Variants in CPEB2 observed in about 807,000 individuals in gnomAD.
CPEB2 encodes cytoplasmic polyadenylation element-binding protein 2.
A neutral mutation model predicts 93.6 loss-of-function variants in CPEB2; 56 were observed. The ratio of observed to expected loss-of-function variants is 0.60; its 90% CI spans 0.48 to 0.75. The LOEUF is 0.75. CPEB2 is among the 30% of genes least tolerant of loss of function. The pLI, the probability that CPEB2 is intolerant of heterozygous loss-of-function variation, is 0.00. For missense variants in CPEB2, 1,579 were observed against 1,395.1 expected (o/e 1.13, Z -2.10); for synonymous variants, 764 against 586.3 (o/e 1.30, Z -4.38).
chr4:15,003,738 C>G lies in CPEB2; in HGVS notation c.1065C>G (p.Gly355=), dbSNP rs1722347712. Residue 355 remains glycine, a synonymous_variant, in exon 1 of 12, where the codon GGC becomes GGG. Transcript: ENST00000538197. ...TTCCACACCCGGGCGGCGGCGGCGG[C>G]GGCGGGGGCGGGGGGCCCCCAGGAG... ...PDLPHPGGGG[G]GGGGGPPGGG... 4 of 1,184,862 alleles carry G rather than the reference C, an allele frequency of 3.4e-6. No homozygotes were observed. The highest frequency in any genetic ancestry group is 3.0e-5 in the South Asian group (1 of 33,804). 73.4% of individuals were successfully genotyped at this position (1,184,862 alleles called of 1,614,324 possible). A position where few individuals can be genotyped will look rare whatever the true frequency, so the allele number is the denominator to read the frequency against.
intron 4 of CPEB2, among the ~76,000 whole-genome samples, chr4:15,026,403 T>C (rs1240510840): frequency 6.6e-6 from 1 of 152,092 alleles, no homozygotes; most frequent in Admixed American, 6.5e-5. Context: ...ATTTTTTGTA[T>C]TTTTAGTAGA....
intron 9 of CPEB2, 67 bp from the exon 10 acceptor site, chr4:15,059,120 A>G: frequency 1.1e-6 from 1 of 945,968 alleles, no homozygotes; most frequent in South Asian, 1.7e-5. Context: ...TAACTGGCAA[A>G]AACAAACAAA....
At chr4:15,040,943 A>G (rs1727117327) in intron 6 of CPEB2, among the ~76,000 whole-genome samples, 1 of 152,198 alleles carries the variant, frequency 6.6e-6, no homozygotes, top group Non-Finnish European at 1.5e-5. Context: ...TATTTTTAAC[A>G]GTGATTTATA....
intron 5 of CPEB2, among the ~76,000 whole-genome samples, chr4:15,034,144 A>G (rs539762851): frequency 6.6e-6 from 1 of 152,312 alleles, no homozygotes; most frequent in East Asian, 1.9e-4. Context: ...TGAAGAAGGC[A>G]GAGCATTAGA....
Position 15,004,109 on chromosome 4 carries a change from C to A in CPEB2, c.1436C>A (p.Pro479Gln). The part of the protein sequence containing the change: ...SPHGCTGLSV[P>Q]TSGGGGGGFG... The stretch of plus-strand genomic sequence containing the variant: ...CACGGCTGCACTGGGCTCAGCGTTC[C>A]GACGAGCGGCGGCGGCGGCGGCGGC... The change falls in exon 1 of 12, where the codon CCG becomes CAG. Residue 479 changes from proline to glutamine, a missense_variant. Transcript: ENST00000538197. 6.4e-7 allele frequency: 1 copy of A among 1,553,706 alleles called. No homozygotes were observed. The highest frequency in any genetic ancestry group is 1.9e-5 in the Admixed American group (1 of 51,924).
rs1415402668 is a variant in CPEB2, at chr4:15,003,202, C to G, written c.529C>G (p.Gln177Glu). The G allele has an allele frequency of 3.3e-6, 5 of 1,534,064 alleles. No individual in the cohort carries two copies. The East Asian group carries it at 1.2e-4, about 38-fold the overall frequency. ...GCGGCAGCAGCAGCAGCTGAGCAGCCAGAAGAGGAAAGAGTTCAGCCCTCC... is the reference window on the plus strand; with the variant it reads ...GCGGCAGCAGCAGCAGCTGAGCAGCGAGAAGAGGAAAGAGTTCAGCCCTCC... ...SKRQQQQLSS[Q>E]KRKEFSPPHL... Residue 177 changes from glutamine (Q) to glutamate (E), a missense_variant, in exon 1 of 12, where the codon CAG becomes GAG. Gln to Glu is a conservative substitution (Grantham distance 29, BLOSUM62 2). This residue lies in a region of CPEB2 where 1,411 missense variants were observed against 1,056.0 expected (regional missense o/e 1.34). Coordinates refer to ENST00000538197, the MANE Select transcript of CPEB2 (RefSeq NM_001177382.2).
intron 3 of CPEB2, among the ~76,000 whole-genome samples, chr4:15,011,096 C>CTT (rs869267857): frequency 7.4e-6 from 1 of 135,886 alleles, no homozygotes; most frequent in Admixed American, 7.2e-5. Flanking sequence ...CTATGAATTT[C>CTT]TTTTCTTTTT....
At chr4:15,066,120 C>A in intron 11 of CPEB2, 33 bp from the exon 12 acceptor site, 3 of 1,551,344 alleles carry the variant, frequency 1.9e-6, no homozygotes, top group Non-Finnish European at 1.8e-6. Flanking sequence ...CTGAAGCAGA[C>A]CCTAATGAGA....
intron 1 of CPEB2, among the ~76,000 whole-genome samples, chr4:15,005,353 A>G (rs1036808077): frequency 6.6e-5 from 10 of 152,198 alleles, no homozygotes; most frequent in Admixed American, 5.9e-4. Context: ...CTACAAGGGA[A>G]TATGTGGGCC....
chr4:15,018,985 C>G (rs1293986522), intron 4 of CPEB2, among the ~76,000 whole-genome samples: 1 of 146,038 alleles, frequency 6.8e-6, no homozygotes, highest in Non-Finnish European at 1.5e-5. Flanking sequence ...CGCACACACA[C>G]ACGCATATAT....
intron 5 of CPEB2, among the ~76,000 whole-genome samples, chr4:15,038,081 T>C (rs529815608): frequency 4.6e-5 from 7 of 152,336 alleles, no homozygotes; most frequent in Admixed American, 4.6e-4. Context: ...CTGTAGTCAG[T>C]TCTATTTTTG....
chr4:15,032,478 C>T (rs1228751400), intron 4 of CPEB2, among the ~76,000 whole-genome samples: 1 of 152,092 alleles, frequency 6.6e-6, no homozygotes, highest in East Asian at 1.9e-4. Context: ...ACTGTTGTCC[C>T]TTCTGCATTT....
intron 6 of CPEB2, among the ~76,000 whole-genome samples, chr4:15,043,284 A>C (rs1399960454): frequency 1.3e-5 from 2 of 152,222 alleles, no homozygotes; most frequent in Non-Finnish European, 2.9e-5. Context: ...TACTTTAGGA[A>C]TAATCAAAAT....
At chr4:15,015,597 T>TAAAA (rs1452895721) in intron 3 of CPEB2, among the ~76,000 whole-genome samples, 3 of 152,056 alleles carry the variant, frequency 2.0e-5, no homozygotes, top group Non-Finnish European at 4.4e-5. Flanking sequence ...AAAAGCTTTT[T>TAAAA]AGGTTTTTCT....
At chr4:15,054,306 A>C (rs1328276265) in intron 8 of CPEB2, 89 bp downstream of exon 8, 2 of 862,652 alleles carry the variant, frequency 2.3e-6, no homozygotes, top group Non-Finnish European at 3.8e-6. Flanking sequence ...GTTAGGAATC[A>C]TAAGAGACTT....
At chr4:15,039,555 CA>C (rs1412247826) in intron 5 of CPEB2, among the ~76,000 whole-genome samples, 2 of 151,916 alleles carry the variant, frequency 1.3e-5, no homozygotes, top group Non-Finnish European at 2.9e-5. Flanking sequence ...ATATTAATTT[CA>C]GGGTAAAAAT....
rs201720957 is a variant in CPEB2, at chr4:15,062,103, G to C, written c.2720G>C (p.Arg907Pro). 6.2e-7 allele frequency: 1 copy of C among 1,608,898 alleles called. No homozygotes were observed. Among genetic ancestry groups the C allele is most frequent in the African/African-American group, 1.3e-5 (1 of 74,690 alleles). ...GTGGAACTTGCTATGATCATGGACC[G>C]GCTGTATGGTGGAGTTTGTTATGCA... is the stretch of plus-strand genomic sequence containing the variant. ...RAVELAMIMDRLYGGVCYAGI... is the reference protein window; with the variant it reads ...RAVELAMIMDPLYGGVCYAGI... Residue 907 changes from arginine (R) to proline (P), a missense_variant, in exon 11 of 12, where the codon CGG (arginine) becomes CCG (proline). By Grantham distance (103) the Arg-to-Pro change is moderately radical. Transcript: ENST00000538197.
chr4:15,066,621 AT>A lies in CPEB2; in HGVS notation c.*245del. ...ATGTTCAAATAAAATGTTTTTTTGTATTTTCTCCAAGTTATTTTTATATGTA... is the reference window on the plus strand; with the variant it reads ...ATGTTCAAATAAAATGTTTTTTTGTATTTCTCCAAGTTATTTTTATATGTA... On this transcript the variant is annotated 3_prime_UTR_variant, in exon 12 of 12. Transcript: ENST00000538197. 1 of 491,438 alleles carries A rather than the reference AT, an allele frequency of 2.0e-6. No individual in the cohort carries two copies. The highest frequency in any genetic ancestry group is 3.4e-5 in the East Asian group (1 of 29,668). 30.4% of individuals were successfully genotyped at this position (491,438 alleles called of 1,614,324 possible).
intron 4 of CPEB2, among the ~76,000 whole-genome samples, chr4:15,031,774 G>A (rs1726129124): frequency 6.6e-6 from 1 of 152,090 alleles, no homozygotes; most frequent in Non-Finnish European, 1.5e-5. Context: ...GTATTTTAGT[G>A]TCAAAATTGG....
Sources: allele counts gnomAD v4.1 joint callset (sites outside exome capture counted in the v4.1 genomes callset), GRCh38; gene constraint gnomAD v4.1.1; regional missense constraint gnomAD v4.1.1; transcripts MANE v1.5; gene names NCBI Gene and HGNC (gene_info 2026-07-23, HGNC 2026-07-21).